Variants in SORL1 observed in about 807,000 individuals in gnomAD.
SORL1 encodes the protein sortilin-related receptor.
In SORL1, 127 loss-of-function variants were observed where a neutral mutation model predicts 273.7. That is an observed-to-expected ratio of 0.46 (90% CI 0.40 to 0.54). The LOEUF is 0.54. Ranked by LOEUF, SORL1 falls within the 20% of genes least tolerant of loss-of-function variation. The pLI is 0.00. For synonymous variants in SORL1, 1,031 were observed against 1,067.4 expected, an observed-to-expected ratio of 0.97 and a Z score of 0.66; for missense variants, 2,494 against 2,846.1, an observed-to-expected ratio of 0.88 and a Z score of 2.81.
At chr11:121,560,249 T>A (rs905349103) in intron 21 of SORL1, among the ~76,000 whole-genome samples, 3 of 152,206 alleles carry the variant, frequency 2.0e-5, no homozygotes, top group African/African-American at 7.2e-5. Context: ...TCAATTCATA[T>A]TTGTTGAAAG....
At chr11:121,522,197 T>C (rs907159437) in intron 9 of SORL1, among the ~76,000 whole-genome samples, 99 of 152,260 alleles carry the variant, frequency 6.5e-4, no homozygotes, top group Non-Finnish European at 7.5e-4. Context: ...GTTTGAAATA[T>C]GTCTCTGACT....
chr11:121,625,966 C>T (rs1020488703), intron 46 of SORL1, among the ~76,000 whole-genome samples: 11 of 152,218 alleles, frequency 7.2e-5, no homozygotes, highest in South Asian at 2.1e-4. Flanking sequence ...TTAAATGTTC[C>T]GTCTCATAGT....
At chr11:121,570,767 C>T (rs1862829900) in intron 23 of SORL1, among the ~76,000 whole-genome samples, 1 of 152,196 alleles carries the variant, frequency 6.6e-6, no homozygotes, top group Non-Finnish European at 1.5e-5. Flanking sequence ...GCTTGGCCTA[C>T]AGTGTGGGGC....
rs576992345 is a variant in SORL1 at position 121,595,131 on chromosome 11, G to A, written c.4370-492G>A. 5.9e-5 allele frequency among the ~76,000 whole-genome samples: 9 copies of A among 152,292 alleles called. No homozygotes were observed. The East Asian group carries it at 9.6e-4, about 16-fold the overall frequency. The stretch of plus-strand genomic sequence containing the variant: ...GGGTGACGTATGGGTTGGTTGCCTC[G>A]TGGGACTGATAGGAGGGGATATAAG... On this transcript the variant is annotated intron_variant, in intron 31 of 47. Coordinates refer to ENST00000260197, the MANE Select transcript of SORL1 (RefSeq NM_003105.6). This position sits in a 1 kb window ranked among gnomAD's most constrained non-coding sequence, Gnocchi z 5.1.
intron 4 of SORL1, among the ~76,000 whole-genome samples, 153 bp downstream of exon 4, chr11:121,488,346 G>T (rs1861506378): frequency 6.6e-6 from 1 of 152,028 alleles, no homozygotes; most frequent in African/African-American, 2.4e-5. Flanking sequence ...ACTTACCAGG[G>T]CTCAAGAAAA....
In SORL1 at chr11:121,452,550, C is replaced by A; in HGVS notation, c.219C>A (p.Asp73Glu). Residue 73 changes from aspartate (D) to glutamate (E), a missense_variant, in exon 1 of 48, where the codon GAC (aspartate) becomes GAA (glutamate). Physicochemically the swap from Asp to Glu is conservative, Grantham distance 45 (BLOSUM62 2). Coordinates refer to ENST00000260197, the MANE Select transcript of SORL1 (RefSeq NM_003105.6). The surrounding 1 kb of genome is among the most constrained non-coding windows in gnomAD (Gnocchi z 5.3). The stretch of plus-strand genomic sequence containing the variant: ...ATGCCAGGGGGGCGAGCCGCGCGGA[C>A]GAGAAGCCGCTCCGGAGGAAACGGA... ...RGDARGASRA[D>E]EKPLRRKRSA... The A allele has an allele frequency of 6.7e-7, 1 of 1,503,318 alleles. No homozygotes were observed. The highest frequency in any genetic ancestry group is 2.1e-5 in the Admixed American group (1 of 46,576). 93.1% of individuals were successfully genotyped at this position (1,503,318 alleles called of 1,614,324 possible).
At chr11:121,476,376 T>A (rs966724591) in intron 2 of SORL1, among the ~76,000 whole-genome samples, 1 of 152,210 alleles carries the variant, frequency 6.6e-6, no homozygotes, top group Non-Finnish European at 1.5e-5. Flanking sequence ...CAATAGCTTC[T>A]TCAACTGTGA....
chr11:121,466,956 AAGAAG>A (rs1450374792), intron 1 of SORL1, among the ~76,000 whole-genome samples: 1 of 152,096 alleles, frequency 6.6e-6, no homozygotes, highest in Non-Finnish European at 1.5e-5. Flanking sequence ...CCTTAAAAAA[AAGAAG>A]AGAAAGAAAC....
intron 12 of SORL1, among the ~76,000 whole-genome samples, chr11:121,536,426 TG>T (rs952931407): frequency 4.1e-5 from 6 of 147,720 alleles, no homozygotes; most frequent in South Asian, 2.2e-4. Flanking sequence ...CTTATCACTG[TG>T]TTTTTTTTTT....
chr11:121,582,924 A>T (rs529268912), intron 25 of SORL1, among the ~76,000 whole-genome samples: 15 of 152,174 alleles, frequency 9.9e-5, no homozygotes, highest in Middle Eastern at 6.8e-3. Context: ...CACTGTAAGG[A>T]TGGTGAATTT....
intron 28 of SORL1, 132 bp downstream of exon 28, chr11:121,588,283 T>C: frequency 1.1e-6 from 1 of 913,106 alleles, no homozygotes; most frequent in African/African-American, 1.6e-5. Context: ...TTGACCACCC[T>C]GGAGTTGCAC....
chr11:121,501,756 G>A (rs558137680), intron 6 of SORL1, among the ~76,000 whole-genome samples: 1 of 152,098 alleles, frequency 6.6e-6, no homozygotes, highest in Admixed American at 6.6e-5. Context: ...CTCCCACCAG[G>A]TCCCTCCCAT....
At chr11:121,545,014 T>C (rs552986537) in intron 13 of SORL1, among the ~76,000 whole-genome samples, 2 of 152,226 alleles carry the variant, frequency 1.3e-5, no homozygotes, top group Non-Finnish European at 2.9e-5. Context: ...TGCCTAAAGG[T>C]GGCTTGCTTC....
chr11:121,580,657 G>A (rs1252353172), intron 25 of SORL1, among the ~76,000 whole-genome samples: 1 of 148,904 alleles, frequency 6.7e-6, no homozygotes, highest in East Asian at 2.0e-4. Context: ...CAGGCTGGAG[G>A]GTAGTGGCGC....
At chr11:121,473,819 C>T (rs956517327) in intron 2 of SORL1, among the ~76,000 whole-genome samples, 4 of 151,924 alleles carry the variant, frequency 2.6e-5, no homozygotes, top group East Asian at 1.9e-4. Context: ...CACTTGAATC[C>T]GGGAGGCGGA....
intron 21 of SORL1, among the ~76,000 whole-genome samples, chr11:121,565,890 C>A (rs1862747548): frequency 6.6e-6 from 1 of 152,138 alleles, no homozygotes; most frequent in Non-Finnish European, 1.5e-5. Flanking sequence ...TAAGCTGAAC[C>A]AGAGAAAAGA....
intron 33 of SORL1, 55 bp downstream of exon 33, chr11:121,604,379 A>G: frequency 6.3e-7 from 1 of 1,595,162 alleles, no homozygotes; most frequent in Non-Finnish European, 8.5e-7. Context: ...AGGCTCGCTT[A>G]CCCCAGGGCC....
intron 5 of SORL1, among the ~76,000 whole-genome samples, chr11:121,491,263 GT>G (rs1401686930): frequency 6.6e-6 from 1 of 152,184 alleles, no homozygotes; most frequent in Non-Finnish European, 1.5e-5. Context: ...TACCCCTGTA[GT>G]TTTGTGAGAA....
At chr11:121,559,695 A>T in intron 21 of SORL1, 38 bp downstream of exon 21, 1 of 1,603,754 alleles carries the variant, frequency 6.2e-7, no homozygotes, top group Non-Finnish European at 8.5e-7. Flanking sequence ...TGTAGAGTTG[A>T]TCTCAAGAAA....
Sources: allele counts gnomAD v4.1 joint callset (sites outside exome capture counted in the v4.1 genomes callset), GRCh38; gene constraint gnomAD v4.1.1; non-coding constraint Gnocchi (gnomAD v3.1); transcripts MANE v1.5; gene names NCBI Gene and HGNC (gene_info 2026-07-23, HGNC 2026-07-21).